The following PIK3CB variants were observed in gnomAD, a reference collection of about 807,000 sequenced individuals.
PIK3CB encodes the protein phosphatidylinositol-4,5-bisphosphate 3-kinase catalytic subunit beta, also known as phosphatidylinositol 4,5-bisphosphate 3-kinase catalytic subunit beta isoform.
In PIK3CB, 39 loss-of-function variants were observed where a neutral mutation model predicts 136.8. The ratio of observed to expected loss-of-function variants is 0.29; its 90% confidence interval spans 0.22 to 0.37. The LOEUF is 0.37. Ranked by LOEUF, PIK3CB falls within the 10% of genes least tolerant of loss-of-function variation. The probability of loss-of-function intolerance (pLI) is 1.00; values close to 1 mark genes in which losing one functional copy is unlikely to be tolerated. For missense variants in PIK3CB, 868 were observed against 1,275.4 expected, an observed-to-expected ratio of 0.68 and a Z score of 4.87; for synonymous variants, 428 against 436.6, an observed-to-expected ratio of 0.98 and a Z score of 0.25.
intron 1 of PIK3CB, among the ~76,000 whole-genome samples, chr3:138,807,713 C>T (rs1307185573): frequency 6.6e-6 from 1 of 151,870 alleles, no homozygotes; most frequent in Non-Finnish European, 1.5e-5. Flanking sequence ...GGCAACATGA[C>T]AAGATCTCAT....
chr3:138,660,543 G>C (rs2043278083), intron 21 of PIK3CB, among the ~76,000 whole-genome samples: 1 of 152,132 alleles, frequency 6.6e-6, no homozygotes, highest in African/African-American at 2.4e-5. Flanking sequence ...CCAGTAGAGA[G>C]TAGAATGGTG....
chr3:138,781,070 G>A (rs1013414330), intron 2 of PIK3CB, among the ~76,000 whole-genome samples: 17 of 152,204 alleles, frequency 1.1e-4, no homozygotes, highest in Non-Finnish European at 1.8e-4. Context: ...CAGGAGAATC[G>A]CTTCAGCCCA....
chr3:138,813,404 T>C (rs1306282012), intron 1 of PIK3CB, among the ~76,000 whole-genome samples: 1 of 152,104 alleles, frequency 6.6e-6, no homozygotes, highest in African/African-American at 2.4e-5. Flanking sequence ...TTCAGTTTAA[T>C]TCACACATGA....
intron 1 of PIK3CB, among the ~76,000 whole-genome samples, chr3:138,816,424 T>C (rs952681231): frequency 2.0e-5 from 3 of 151,954 alleles, no homozygotes; most frequent in African/African-American, 7.3e-5. Flanking sequence ...TGAAACCCCA[T>C]CTCTACTAAA....
At chr3:138,720,953 G>A (rs970012058) in intron 8 of PIK3CB, among the ~76,000 whole-genome samples, 3 of 152,124 alleles carry the variant, frequency 2.0e-5, no homozygotes, top group Non-Finnish European at 2.9e-5. Context: ...ACCTTTTACT[G>A]CTCAAAATTT....
At chr3:138,826,454 G>A in intron 1 of PIK3CB, 1 of 533,388 alleles carries the variant, frequency 1.9e-6, no homozygotes, top group Non-Finnish European at 3.2e-6. Flanking sequence ...ACAATGCACT[G>A]TAAACCCCTC....
At chr3:138,745,435 C>T (rs1256266777) in intron 4 of PIK3CB, among the ~76,000 whole-genome samples, 1 of 152,084 alleles carries the variant, frequency 6.6e-6, no homozygotes, top group Admixed American at 6.5e-5. Flanking sequence ...GAGTTCAAGA[C>T]CAGCCTGGCC....
At chr3:138,805,655 G>A (rs1369905368) in intron 1 of PIK3CB, among the ~76,000 whole-genome samples, 1 of 151,942 alleles carries the variant, frequency 6.6e-6, no homozygotes, top group Non-Finnish European at 1.5e-5. Context: ...CTGGGCCACA[G>A]AGCGAGACTC....
chr3:138,745,406 G>A (rs1477461384), intron 4 of PIK3CB, among the ~76,000 whole-genome samples: 2 of 152,118 alleles, frequency 1.3e-5, no homozygotes, highest in Non-Finnish European at 2.9e-5. Context: ...GCCAAGGTGG[G>A]GGGATCACTT....
chr3:138,668,649 A>G (rs2043463725), intron 19 of PIK3CB, among the ~76,000 whole-genome samples: 2 of 152,200 alleles, frequency 1.3e-5, no homozygotes, highest in African/African-American at 4.8e-5. Context: ...TCCTTACTCT[A>G]AACAGGTATA....
chr3:138,695,117 A>G (rs1559820970), intron 13 of PIK3CB, among the ~76,000 whole-genome samples: 1 of 152,218 alleles, frequency 6.6e-6, no homozygotes, highest in Non-Finnish European at 1.5e-5. Flanking sequence ...AAAGCTATGA[A>G]GTACTTACCC....
chr3:138,776,638 G>A (rs938447392), intron 2 of PIK3CB, among the ~76,000 whole-genome samples: 13 of 152,080 alleles, frequency 8.5e-5, no homozygotes, highest in Non-Finnish European at 1.6e-4. Flanking sequence ...AGACATTGCC[G>A]TGAGCTGTGA....
intron 1 of PIK3CB, among the ~76,000 whole-genome samples, chr3:138,809,175 A>C (rs763288022): frequency 6.6e-6 from 1 of 151,172 alleles, no homozygotes; most frequent in Non-Finnish European, 1.5e-5. Flanking sequence ...CTACTCAGGA[A>C]GCTGAGGCAG....
chr3:138,691,505 C>T (rs1360726998), intron 14 of PIK3CB, among the ~76,000 whole-genome samples: 1 of 152,084 alleles, frequency 6.6e-6, no homozygotes, highest in African/African-American at 2.4e-5. Context: ...TCAATGTGGC[C>T]CTCCATGCTA....
At chr3:138,813,471 G>A (rs960905303) in intron 1 of PIK3CB, among the ~76,000 whole-genome samples, 2 of 135,086 alleles carry the variant, frequency 1.5e-5, no homozygotes, top group Non-Finnish European at 3.1e-5. Context: ...TTGCTCTGTC[G>A]CCCAGGCTGA....
At chr3:138,721,671 A>G (rs753960991) in intron 8 of PIK3CB, among the ~76,000 whole-genome samples, 8 of 152,254 alleles carry the variant, frequency 5.3e-5, no homozygotes, top group South Asian at 2.1e-4. Context: ...ATATTATTCA[A>G]TTAAAGATAA....
chr3:138,677,850 G>A (rs950194291), intron 19 of PIK3CB, among the ~76,000 whole-genome samples: 1 of 152,130 alleles, frequency 6.6e-6, no homozygotes, highest in Non-Finnish European at 1.5e-5. Context: ...AGCTGAGATC[G>A]TGCCATTGCA....
At position 138,655,458 on chromosome 3, in the gene PIK3CB, C is replaced by T. The variant is rs538585960; in HGVS notation, c.3144G>A (p.Ala1048=). The change falls in exon 24 of 24, where the codon GCG becomes GCA. Residue 1048 remains alanine, a synonymous_variant. Coordinates refer to ENST00000674063, the MANE Select transcript of PIK3CB (RefSeq NM_006219.3). The part of the protein sequence containing the change: ...LKQFKQKFDE[A]LRESWTTKVN... ...CTTTAGTAGTCCAGCTTTCCCTGAG[C>T]GCCTCATCAAATTTTTGCTTAAACT... 7 of 1,613,300 alleles carry T rather than the reference C, an allele frequency of 4.3e-6. No individual in the cohort carries two copies. Among genetic ancestry groups the T allele is most frequent in the Non-Finnish European group, 5.1e-6 (6 of 1,179,232 alleles).
At chr3:138,818,548 A>G (rs1933429109) in intron 1 of PIK3CB, among the ~76,000 whole-genome samples, 1 of 151,862 alleles carries the variant, frequency 6.6e-6, no homozygotes, top group African/African-American at 2.4e-5. Flanking sequence ...CAGTCAAACA[A>G]CTCTCCAAGA....
Sources: gnomAD v4.1 joint callset for allele counts (sites outside exome capture counted in the v4.1 genomes callset) on GRCh38, gnomAD v4.1.1 for gene constraint, MANE v1.5 for transcripts, NCBI Gene and HGNC (gene_info 2026-07-23, HGNC 2026-07-21) for gene names.